NOL12: variants seen among roughly 807,000 people sequenced by gnomAD.
NOL12 encodes the protein nucleolar protein 12.
In NOL12, 21 loss-of-function variants were observed where a neutral mutation model predicts 25.2. That is an observed-to-expected ratio of 0.83 (90% CI 0.59 to 1.20). NOL12 has a LOEUF of 1.20. NOL12 is among the 50% of genes most tolerant of loss of function. NOL12 has a pLI of 0.00. For synonymous variants in NOL12, 133 were observed against 113.8 expected (o/e 1.17, Z -1.08); for missense variants, 286 against 287.6 (o/e 0.99, Z 0.04).
chr22:37,687,391 C>A (rs1921868202), intron 1 of NOL12, among the ~76,000 whole-genome samples: 1 of 151,878 alleles, frequency 6.6e-6, no homozygotes, highest in Admixed American at 6.6e-5. Context: ...GGGCAAGTAA[C>A]CTAGACTCTG....
At chr22:37,690,445 C>T (rs1385707841) in intron 4 of NOL12, among the ~76,000 whole-genome samples, 1 of 152,220 alleles carries the variant, frequency 6.6e-6, no homozygotes, top group African/African-American at 2.4e-5. Context: ...CTAGGATTTT[C>T]ATTCCTGAAT....
At chr22:37,688,235 TG>T in intron 2 of NOL12, 76 bp from the exon 3 acceptor site, 1 of 1,467,382 alleles carries the variant, frequency 6.8e-7, no homozygotes, top group Non-Finnish European at 9.6e-7. Context: ...TCCCTCACCC[TG>T]GGGGTGATTA....
chr22:37,687,104 C>G, intron 1 of NOL12: 2 of 985,358 alleles, frequency 2.0e-6, no homozygotes, highest in Non-Finnish European at 2.4e-6. Context: ...TCAACAGGCC[C>G]TACAGGCGAG....
Position 37,688,810 on chromosome 22 carries a change from G to A in NOL12, c.239-40G>A, listed in dbSNP as rs200878108. The A allele has an allele frequency of 1.7e-3, 2,748 of 1,612,110 alleles. 6 individuals carry two copies. Among genetic ancestry groups the A allele is most frequent in the Non-Finnish European group, 2.1e-3 (2,503 of 1,178,682 alleles). ...GAGGGAGGCTGGAGCCTGGTCACTC[G>A]TTCCCGTGACTGAGACCAGGTCTGT... On this transcript the variant is annotated intron_variant, in intron 3 of 5. Transcript: ENST00000359114.
chr22:37,687,493 T>C (rs956570755), intron 1 of NOL12, among the ~76,000 whole-genome samples: 1 of 152,192 alleles, frequency 6.6e-6, no homozygotes, highest in African/African-American at 2.4e-5. Context: ...ATGGAGTCTG[T>C]GTCGTCCAGG....
At position 37,688,970 on chromosome 22, in the gene NOL12, T is replaced by C. The variant is rs753232366; in HGVS notation, c.359T>C (p.Leu120Pro). 6 of 1,612,892 alleles carry C rather than the reference T, an allele frequency of 3.7e-6. No individual in the cohort carries two copies. The highest frequency in any genetic ancestry group is 5.1e-6 in the Non-Finnish European group (6 of 1,180,022). The change falls in exon 4 of 6, where the codon CTG (leucine) becomes CCG (proline). Residue 120 changes from leucine (L) to proline (P), a missense_variant. Physicochemically the swap from Leu to Pro is moderately conservative, Grantham distance 98. Coordinates refer to ENST00000359114, the MANE Select transcript of NOL12 (RefSeq NM_024313.3). ...GACCTGGACCTCTCGGGGGCCCGGC[T>C]GCTCGGGCTGACCCCACCTGAGGTG... ...ISDLDLSGAR[L>P]LGLTPPEGGA...
At position 37,688,318 on chromosome 22, in the gene NOL12, C is replaced by T. The variant is rs756789450; in HGVS notation, c.196C>T (p.Gln66Ter). 1.2e-6 allele frequency: 2 copies of T among 1,614,098 alleles called. No individual in the cohort carries two copies. Among genetic ancestry groups the T allele is most frequent in the Non-Finnish European group, 8.5e-7 (1 of 1,179,994 alleles). The change falls in exon 3 of 6, where the codon CAG (glutamine) becomes TAG (stop). Residue 66 changes from glutamine (Q) to a stop codon, truncating the protein, a stop_gained. Coordinates refer to ENST00000359114, the MANE Select transcript of NOL12 (RefSeq NM_024313.3). LOFTEE classifies it high-confidence loss of function. ...CCTGCCTGTGTGGTTTCAGCGCCAC[C>T]AGGAATACTTGAAGATGCTGGCAGA... ...EQRKLREERH[Q>*]EYLKMLAERE...
chr22:37,690,767 A>G lies in NOL12; in HGVS notation c.452A>G (p.Lys151Arg). 6.2e-7 allele frequency: 1 copy of G among 1,613,860 alleles called. No individual in the cohort carries two copies. The highest frequency in any genetic ancestry group is 8.5e-7 in the Non-Finnish European group (1 of 1,179,818). Reference sequence around the variant, plus strand: ...AAACCAACCAAAGCCTTGCCCAGGAAGTCCAGAGACCCCCTGCTCTCTCAG... The same window carrying G: ...AAACCAACCAAAGCCTTGCCCAGGAGGTCCAGAGACCCCCTGCTCTCTCAG... ...TEKPTKALPR[K>R]SRDPLLSQRI... is the part of the protein sequence containing the mutation. Residue 151 changes from lysine (K) to arginine (R), a missense_variant, in exon 5 of 6, where the codon AAG (lysine) becomes AGG (arginine). Coordinates refer to ENST00000359114, the MANE Select transcript of NOL12 (RefSeq NM_024313.3).
Position 37,691,316 on chromosome 22 carries a change from G to A in NOL12, c.622G>A (p.Ala208Thr), listed in dbSNP as rs767443474. ...CCAGCGCCGCCGTCTCACAGGCAAA[G>A]CACGGCACAGCGGGGAGTGAGACCG... is the stretch of plus-strand genomic sequence containing the variant. Reference protein sequence around the residue: ...KAQRRRLTGKARHSGE With the variant: ...KAQRRRLTGKTRHSGE The change falls in exon 6 of 6, where the codon GCA (alanine) becomes ACA (threonine). Residue 208 changes from alanine to threonine, a missense_variant. Ala to Thr is a moderately conservative substitution (Grantham distance 58). Coordinates refer to ENST00000359114, the MANE Select transcript of NOL12 (RefSeq NM_024313.3). 6.2e-6 allele frequency: 10 copies of A among 1,612,652 alleles called. No individual in the cohort carries two copies. Among genetic ancestry groups the A allele is most frequent in the Non-Finnish European group, 7.6e-6 (9 of 1,179,314 alleles).
At position 37,691,549 on chromosome 22, in the gene NOL12, C is replaced by A; in HGVS notation, c.*213C>A. On this transcript the variant is annotated 3_prime_UTR_variant, in exon 6 of 6. Transcript: ENST00000359114. ...TCCCGAAGGAGCAGGCAGCTGAGAG[C>A]AGGCCTCCCCCAGGAAGAGCCTTCA... 1 of 553,724 alleles carries A rather than the reference C, an allele frequency of 1.8e-6. No homozygotes were observed. The highest frequency in any genetic ancestry group is 3.0e-6 in the Non-Finnish European group (1 of 336,428). The allele number at this position is 553,724 out of a possible 1,614,324, so 34.3% of individuals were successfully genotyped here.
rs1458889293 is a variant in NOL12 at position 37,691,785 on chromosome 22, A to G, written c.*449A>G. Reference sequence around the variant, plus strand: ...CTGTGTTAAGATCCTAACCAGGGTTAAGGATCAGTGTGTCCGTTGCTAGAA... The same window carrying G: ...CTGTGTTAAGATCCTAACCAGGGTTGAGGATCAGTGTGTCCGTTGCTAGAA... On this transcript the variant is annotated 3_prime_UTR_variant, in exon 6 of 6. Coordinates refer to ENST00000359114, the MANE Select transcript of NOL12 (RefSeq NM_024313.3). 6.4e-6 allele frequency: 1 copy of G among 156,804 alleles called. No individual in the cohort carries two copies. Among genetic ancestry groups the G allele is most frequent in the African/African-American group, 2.4e-5 (1 of 41,632 alleles). 9.7% of individuals were successfully genotyped at this position (156,804 alleles called of 1,614,324 possible).
chr22:37,690,859 T>C (rs1183956093), intron 5 of NOL12, 65 bp downstream of exon 5: 5 of 1,220,602 alleles, frequency 4.1e-6, no homozygotes, highest in African/African-American at 1.5e-5. Flanking sequence ...ACCTGGCCCT[T>C]AGGGTGGTGT....
chr22:37,688,454 C>CCT (rs912759762), intron 3 of NOL12, 94 bp downstream of exon 3: 10 of 1,372,524 alleles, frequency 7.3e-6, no homozygotes, highest in Non-Finnish European at 1.0e-5. Flanking sequence ...CCTCCTTGGC[C>CCT]CTAGGGATCT....
intron 1 of NOL12, chr22:37,686,914 A>G: frequency 1.0e-6 from 1 of 985,472 alleles, no homozygotes; most frequent in Non-Finnish European, 1.2e-6. Flanking sequence ...TCTGAGCCTC[A>G]GCGTCTGGCC....
chr22:37,688,110 T>C, intron 2 of NOL12, 95 bp downstream of exon 2: 2 of 1,184,052 alleles, frequency 1.7e-6, no homozygotes, highest in Non-Finnish European at 2.5e-6. Context: ...CATGGGGCGA[T>C]GTGTGTGTGG....
intron 5 of NOL12, 186 bp from the exon 6 acceptor site, chr22:37,690,988 C>T (rs994216922): frequency 1.4e-6 from 1 of 736,500 alleles, no homozygotes; most frequent in Non-Finnish European, 2.2e-6. Context: ...GCTTTTCGTG[C>T]CTGGGTGAAG....
At chr22:37,688,221 G>T (rs1921908428) in intron 2 of NOL12, 91 bp from the exon 3 acceptor site, 1 of 1,400,212 alleles carries the variant, frequency 7.1e-7, no homozygotes, top group Non-Finnish European at 1.0e-6. Flanking sequence ...TATGGATCAT[G>T]GTCTCCCTCA....
chr22:37,686,711 C>G (rs780100089), intron 1 of NOL12: 500 of 985,342 alleles, frequency 5.1e-4, no homozygotes, highest in Non-Finnish European at 5.8e-4. Context: ...TAGCCGGAAG[C>G]TCGGGTCTCA....
intron 5 of NOL12, 140 bp downstream of exon 5, chr22:37,690,934 C>A: frequency 1.4e-6 from 1 of 708,146 alleles, no homozygotes. Context: ...CTCCTCATTG[C>A]CCCGTCCTGT....
Sources: allele counts gnomAD v4.1 joint callset (sites outside exome capture counted in the v4.1 genomes callset), GRCh38; gene constraint gnomAD v4.1.1; transcripts MANE v1.5; gene names NCBI Gene and HGNC (gene_info 2026-07-23, HGNC 2026-07-21).